The following PALS1 variants were observed in gnomAD, a reference collection of about 807,000 sequenced individuals.
PALS1 encodes protein associated with LIN7 1, MAGUK p55 family member.
PALS1 carries 31 observed loss-of-function variants against 78.9 expected under a neutral mutation model. The observed-to-expected ratio is 0.39, with a 90% CI of 0.30 to 0.53. The LOEUF (loss-of-function observed/expected upper bound fraction) is 0.53, where lower values mean the gene tolerates loss of function less well. Ranked by LOEUF, PALS1 falls within the 20% of genes least tolerant of loss-of-function variation. PALS1 has a pLI of 0.67. For synonymous variants in PALS1, 276 were observed against 270.9 expected (o/e 1.02, Z -0.18); for missense variants, 704 against 826.5 (o/e 0.85, Z 1.82).
intron 3 of PALS1, among the ~76,000 whole-genome samples, chr14:67,287,716 T>C (rs913200600): frequency 6.6e-6 from 1 of 152,222 alleles, no homozygotes; most frequent in South Asian, 2.1e-4. Flanking sequence ...TCTAAGGAAT[T>C]GGAAAATAGG....
intron 3 of PALS1, among the ~76,000 whole-genome samples, chr14:67,286,717 G>C (rs1193909357): frequency 6.6e-6 from 1 of 151,730 alleles, no homozygotes; most frequent in African/African-American, 2.4e-5. Flanking sequence ...AAATAGCCAG[G>C]TGTGGTGGAA....
intron 1 of PALS1, among the ~76,000 whole-genome samples, chr14:67,260,132 T>A (rs1567505728): frequency 2.6e-5 from 4 of 152,216 alleles, no homozygotes. Flanking sequence ...TACTCTGTTC[T>A]TAGAATAAAT....
At chr14:67,281,331 A>C (rs1359775778) in intron 3 of PALS1, among the ~76,000 whole-genome samples, 1 of 152,206 alleles carries the variant, frequency 6.6e-6, no homozygotes, top group Non-Finnish European at 1.5e-5. Context: ...AGTCATAGTG[A>C]AGTCTGCTAA....
chr14:67,279,712 C>T, intron 3 of PALS1, 175 bp downstream of exon 3: 1 of 541,878 alleles, frequency 1.8e-6, no homozygotes, highest in Non-Finnish European at 3.0e-6. Context: ...CTGTTACCAA[C>T]ATAGAGCTAA....
intron 8 of PALS1, chr14:67,312,158 A>G (rs2085099595): frequency 1.3e-5 from 2 of 154,354 alleles, no homozygotes; most frequent in Admixed American, 6.5e-5. Flanking sequence ...AGCTGCGAAC[A>G]GTGTTGTGGA....
At position 67,258,840 on chromosome 14, in the gene PALS1, G is replaced by A. The variant is rs577625907; in HGVS notation, c.-236-10861G>A. On this transcript the variant is annotated intron_variant, in intron 1 of 14. Transcript: ENST00000261681. ...TTCTTTTTTTAAGGAAATATGTTCG[G>A]ATGATTTTAACCTTCTTTTGAGATG... 9.2e-5 allele frequency among the ~76,000 whole-genome samples: 14 copies of A among 152,000 alleles called. No individual in the cohort carries two copies. The South Asian group carries it at 2.9e-3, about 32-fold the overall frequency.
chr14:67,257,051 A>G (rs768349393), intron 1 of PALS1, among the ~76,000 whole-genome samples: 12 of 152,074 alleles, frequency 7.9e-5, no homozygotes, highest in Non-Finnish European at 1.6e-4. Context: ...ATGAGACATC[A>G]ATATGTACGT....
intron 1 of PALS1, among the ~76,000 whole-genome samples, chr14:67,259,416 G>A (rs1212555468): frequency 6.6e-6 from 1 of 151,840 alleles, no homozygotes; most frequent in Non-Finnish European, 1.5e-5. Flanking sequence ...TTTGAGACCA[G>A]CCTGGCCAAC....
chr14:67,284,811 C>T (rs2084660991), intron 3 of PALS1, among the ~76,000 whole-genome samples: 1 of 152,082 alleles, frequency 6.6e-6, no homozygotes, highest in Admixed American at 6.6e-5. Context: ...CATATTGTAG[C>T]ATGAATCAGT....
Position 67,310,814 on chromosome 14 carries a change from T to A in PALS1, c.1042-1713T>A, listed in dbSNP as rs189386932. ...CTTTAATGACAAGCCAAAAATTTTTTAAAAAGCCATTTATCTGTCTATCTA... is the reference window on the plus strand; with the variant it reads ...CTTTAATGACAAGCCAAAAATTTTTAAAAAAGCCATTTATCTGTCTATCTA... On this transcript the variant is annotated intron_variant, in intron 8 of 14. Coordinates refer to ENST00000261681, the MANE Select transcript of PALS1 (RefSeq NM_022474.4). 9.8e-5 allele frequency among the ~76,000 whole-genome samples: 15 copies of A among 152,292 alleles called. 1 individual carries two copies. The highest frequency in any genetic ancestry group is 1.6e-4 in the Non-Finnish European group (11 of 68,028).
At chr14:67,260,387 A>C (rs992850902) in intron 1 of PALS1, among the ~76,000 whole-genome samples, 1 of 152,150 alleles carries the variant, frequency 6.6e-6, no homozygotes, top group Admixed American at 6.5e-5. Flanking sequence ...GATTAAAAAG[A>C]TTTTCATTCA....
At chr14:67,329,835 AAAAT>A (rs199845948) in intron 14 of PALS1, among the ~76,000 whole-genome samples, 19,112 of 96,782 alleles carry the variant, frequency 0.2, 1,403 homozygotes, top group African/African-American at 0.28. Context: ...CTTGGTCTCA[AAAAT>A]AAATAAATAA....
chr14:67,317,291 C>T (rs1006481576), intron 10 of PALS1, 117 bp from the exon 11 acceptor site: 23 of 883,692 alleles, frequency 2.6e-5, no homozygotes, highest in Non-Finnish European at 3.4e-5. Context: ...ATGGAGATCT[C>T]GTTTCTGCAA....
intron 1 of PALS1, among the ~76,000 whole-genome samples, chr14:67,242,538 G>A (rs1156404265): frequency 6.6e-6 from 1 of 152,114 alleles, no homozygotes; most frequent in Non-Finnish European, 1.5e-5. Flanking sequence ...TTATGCAATA[G>A]GAACAAATGA....
At chr14:67,327,659 G>T (rs1199702236) in intron 14 of PALS1, among the ~76,000 whole-genome samples, 1 of 151,742 alleles carries the variant, frequency 6.6e-6, no homozygotes, top group African/African-American at 2.4e-5. Context: ...CCCACAACAG[G>T]CCCCAGTGTG....
At chr14:67,332,344 C>CT (rs1193808304) in intron 14 of PALS1, among the ~76,000 whole-genome samples, 2 of 152,166 alleles carry the variant, frequency 1.3e-5, no homozygotes, top group Non-Finnish European at 2.9e-5. Context: ...GGCAAGGGCT[C>CT]TTTACTAGAG....
rs187693861 is a variant in PALS1, at chr14:67,307,650, A to G, written c.1041+4051A>G. 1.5e-4 allele frequency among the ~76,000 whole-genome samples: 23 copies of G among 152,302 alleles called. No individual in the cohort carries two copies. The East Asian group carries it at 4.2e-3, about 28-fold the overall frequency. On this transcript the variant is annotated intron_variant, in intron 8 of 14. Coordinates refer to ENST00000261681, the MANE Select transcript of PALS1 (RefSeq NM_022474.4). ...TGGATGTGGGGAAAGGAGAAATTCT[A>G]GTGTTGTGTGGAGATACTTAAAAAC...
chr14:67,311,496 C>T (rs2085088243), intron 8 of PALS1, among the ~76,000 whole-genome samples: 2 of 152,062 alleles, frequency 1.3e-5, no homozygotes, highest in Admixed American at 1.3e-4. Context: ...TGTGAGATCT[C>T]ATTAGATGAA....
intron 2 of PALS1, chr14:67,270,472 A>G (rs2084391283): frequency 6.6e-6 from 1 of 152,084 alleles, no homozygotes; most frequent in South Asian, 2.1e-4. Flanking sequence ...AGTTGAGAAG[A>G]AAAGAATTAG....
Sources: allele counts gnomAD v4.1 joint callset (sites outside exome capture counted in the v4.1 genomes callset), GRCh38; gene constraint gnomAD v4.1.1; transcripts MANE v1.5; gene names NCBI Gene and HGNC (gene_info 2026-07-23, HGNC 2026-07-21).